Variants in CASZ1 observed in about 807,000 individuals in gnomAD.
The protein encoded by CASZ1 is zinc finger protein castor homolog 1.
In CASZ1, 28 loss-of-function variants were observed where a neutral mutation model predicts 135.2. That is an observed-to-expected ratio of 0.21 (90% CI 0.15 to 0.28). The LOEUF (loss-of-function observed/expected upper bound fraction) is 0.28, where lower values mean the gene tolerates loss of function less well. Ranked by LOEUF, CASZ1 falls within the 10% of genes least tolerant of loss-of-function variation. The probability of loss-of-function intolerance (pLI) is 1.00; values close to 1 mark genes in which losing one functional copy is unlikely to be tolerated. For missense variants in CASZ1, 2,161 were observed against 2,453.3 expected (o/e 0.88, Z 2.52); for synonymous variants, 1,068 against 1,073.4 (o/e 0.99, Z 0.10).
Position 10,654,650 on chromosome 1 carries a change from C to T in CASZ1, c.1666-59G>A, listed in dbSNP as rs1642728482. 4.5e-6 allele frequency: 7 copies of T among 1,542,186 alleles called. 1 individual carries two copies. The highest frequency in any genetic ancestry group is 6.2e-6 in the Non-Finnish European group (7 of 1,123,920). ...AGGCCAGGTGCTCCTGGGCCGAGGT[C>T]GACACCACTGTGTGTGGCTGGGGCC... On this transcript the variant is annotated intron_variant, in intron 9 of 20. Coordinates refer to ENST00000377022, the MANE Select transcript of CASZ1 (RefSeq NM_001079843.3).
rs1013143015 is a variant in CASZ1 at position 10,637,132 on chromosome 1, T to TAA, written c.*1808_*1809dup. The TAA allele has an allele frequency of 2.6e-5, 4 of 152,266 alleles. No homozygotes were observed. The highest frequency in any genetic ancestry group is 9.7e-5 in the African/African-American group (4 of 41,392). 9.4% of individuals were successfully genotyped at this position (152,266 alleles called of 1,614,324 possible). ...TTCTTCTTTTCTTCTTTTTTTTTTT[T>TAA]AAGTTTGATTTTGCTACATTGAAAA... On this transcript the variant is annotated 3_prime_UTR_variant, in exon 21 of 21. Transcript: ENST00000377022.
chr1:10,670,181 C>T (rs1643358197), intron 4 of CASZ1, among the ~76,000 whole-genome samples: 1 of 152,220 alleles, frequency 6.6e-6, no homozygotes, highest in South Asian at 2.1e-4. Context: ...GGCCATAGAG[C>T]AGCTGGCATC....
chr1:10,743,664 T>TTG (rs1553138775), intron 2 of CASZ1, among the ~76,000 whole-genome samples: 2 of 23,482 alleles, frequency 8.5e-5, no homozygotes, highest in African/African-American at 2.6e-4. Flanking sequence ...GTCTCCAAAA[T>TTG]GGGGGGGCGG....
rs1050264253 is a variant in CASZ1 at position 10,647,479 on chromosome 1, G to C, written c.3497+322C>G. ...CTCGGAGGGAGACGCAGCCCTCCTT[G>C]TCAGGCTGGGAGTTGTCCTCTGAGG... On this transcript the variant is annotated intron_variant, in intron 16 of 20. Coordinates refer to ENST00000377022, the MANE Select transcript of CASZ1 (RefSeq NM_001079843.3). This position sits in a 1 kb window ranked among gnomAD's most constrained non-coding sequence, Gnocchi z 4.9. The C allele has an allele frequency of 8.0e-7, 1 of 1,250,130 alleles. No individual in the cohort carries two copies. The highest frequency in any genetic ancestry group is 4.3e-5 in the East Asian group (1 of 23,250). 77.4% of individuals were successfully genotyped at this position (1,250,130 alleles called of 1,614,324 possible). A position where few individuals can be genotyped will look rare whatever the true frequency, so the allele number is the denominator to read the frequency against.
At position 10,762,358 on chromosome 1, in the gene CASZ1, T is replaced by C. The variant is rs1640394331; in HGVS notation, c.-233-1501A>G. On this transcript the variant is annotated intron_variant, in intron 1 of 20. Transcript: ENST00000377022. This position sits in a 1 kb window ranked among gnomAD's most constrained non-coding sequence, Gnocchi z 4.1. ...CCATGGATTCCTGCCAGGCCCCTAA[T>C]GTGAGTTTCGTGTGATTTGGGGGAA... is the stretch of plus-strand genomic sequence containing the variant. Among the ~76,000 whole-genome samples the C allele has an allele frequency of 6.6e-6, 1 of 152,148 alleles. No individual in the cohort carries two copies. The highest frequency in any genetic ancestry group is 1.5e-5 in the Non-Finnish European group (1 of 68,016).
Position 10,679,467 on chromosome 1 carries a change from G to C in CASZ1, c.17-13896C>G, listed in dbSNP as rs901933906. Among the ~76,000 whole-genome samples, 1 of 152,090 alleles carries C rather than the reference G, an allele frequency of 6.6e-6. No homozygotes were observed. Among genetic ancestry groups the C allele is most frequent in the East Asian group, 1.9e-4 (1 of 5,182 alleles). On this transcript the variant is annotated intron_variant, in intron 4 of 20. Transcript: ENST00000377022. The surrounding 1 kb of genome is among the most constrained non-coding windows in gnomAD (Gnocchi z 4.7). ...TCATTGTTCACCATCAGGATGACTCGGGCCAGCTGTCTCGATGGTGCTACC... is the reference window on the plus strand; with the variant it reads ...TCATTGTTCACCATCAGGATGACTCCGGCCAGCTGTCTCGATGGTGCTACC...
At position 10,655,693 on chromosome 1, in the gene CASZ1, C is replaced by T. The variant is rs376189072; in HGVS notation, c.1621G>A (p.Gly541Ser). 25 of 1,613,934 alleles carry T rather than the reference C, an allele frequency of 1.5e-5. No homozygotes were observed. In the East Asian group the frequency reaches 1.6e-4, roughly 10 times the overall value. ...GTGCTCTTCCCATTGAGGTGGCAGC[C>T]GTGGTAGTAGACGCTGCAGTCGTCC... ...PLDDCSVYYHGCHLNGKSTHY... is the reference protein window; with the variant it reads ...PLDDCSVYYHSCHLNGKSTHY... Residue 541 changes from glycine to serine, a missense_variant, in exon 9 of 21, where the codon GGC (glycine) becomes AGC (serine). Physicochemically the swap from Gly to Ser is moderately conservative, Grantham distance 56 (BLOSUM62 0). Coordinates refer to ENST00000377022, the MANE Select transcript of CASZ1 (RefSeq NM_001079843.3).
At chr1:10,736,621 C>T (rs943232145) in intron 2 of CASZ1, among the ~76,000 whole-genome samples, 4 of 152,326 alleles carry the variant, frequency 2.6e-5, no homozygotes, top group East Asian at 1.9e-4. Context: ...CAGGGCAGAG[C>T]GGAGATTCAA....
chr1:10,692,405 C>T (rs1638796093), intron 4 of CASZ1, among the ~76,000 whole-genome samples: 1 of 152,062 alleles, frequency 6.6e-6, no homozygotes, highest in African/African-American at 2.4e-5. Flanking sequence ...GGGTGGGGGC[C>T]CCATTTCCGA....
Position 10,645,102 on chromosome 1 carries a change from C to A in CASZ1, c.3697-14G>T. 1 of 1,612,068 alleles carries A rather than the reference C, an allele frequency of 6.2e-7. No homozygotes were observed. The highest frequency in any genetic ancestry group is 2.2e-5 in the East Asian group (1 of 44,870). ...GAACTCGCAGTGCTGCAGGGAGACACGGGAGGGTCAGGACAGGCGGGTGAC... is the reference window on the plus strand; with the variant it reads ...GAACTCGCAGTGCTGCAGGGAGACAAGGGAGGGTCAGGACAGGCGGGTGAC... On this transcript the variant is annotated splice_polypyrimidine_tract_variant and intron_variant, in intron 17 of 20. Transcript: ENST00000377022.
Position 10,651,059 on chromosome 1 carries a change from T to C in CASZ1, c.2698A>G (p.Thr900Ala), listed in dbSNP as rs747113881. The change falls in exon 12 of 21, where the codon ACC (threonine) becomes GCC (alanine). Residue 900 changes from threonine (T) to alanine (A), a missense_variant. Around this residue, in one of 7 missense-constraint regions of CASZ1, gnomAD observed 406 missense variants for 387.6 expected, o/e 1.05. Transcript: ENST00000377022. ...TFDPGSGQQVTPARFPPAQVK... is the reference protein window; with the variant it reads ...TFDPGSGQQVAPARFPPAQVK... ...TGGGCCGGGGGGAACCTGGCTGGGG[T>C]GACCTGCTGCCCGCTTCCTGCAGGG... 1 of 1,534,236 alleles carries C rather than the reference T, an allele frequency of 6.5e-7. No individual in the cohort carries two copies. The highest frequency in any genetic ancestry group is 8.7e-7 in the Non-Finnish European group (1 of 1,149,300).
intron 18 of CASZ1, among the ~76,000 whole-genome samples, chr1:10,644,715 C>G (rs1237616414): frequency 6.6e-6 from 1 of 152,266 alleles, no homozygotes; most frequent in East Asian, 1.9e-4. Flanking sequence ...GTCACCCCCA[C>G]TCTTCTTGCT....
chr1:10,681,003 C>G (rs1014179522), intron 4 of CASZ1, among the ~76,000 whole-genome samples: 1 of 152,162 alleles, frequency 6.6e-6, no homozygotes, highest in Non-Finnish European at 1.5e-5. Context: ...TGGATTCAAG[C>G]GATTCTCCTG....
rs1390168692 is a variant in CASZ1 at position 10,679,952 on chromosome 1, G to A, written c.16+13922C>T. On this transcript the variant is annotated intron_variant, in intron 4 of 20. Transcript: ENST00000377022. This position sits in a 1 kb window ranked among gnomAD's most constrained non-coding sequence, Gnocchi z 4.7. ...CCAAACCCAGCTGCCAAGTGAGGGAGGAAGGCTGAGCCCCTTGGCCCTTAG... is the reference window on the plus strand; with the variant it reads ...CCAAACCCAGCTGCCAAGTGAGGGAAGAAGGCTGAGCCCCTTGGCCCTTAG... 6.6e-6 allele frequency among the ~76,000 whole-genome samples: 1 copy of A among 152,204 alleles called. No individual in the cohort carries two copies. Among genetic ancestry groups the A allele is most frequent in the African/African-American group, 2.4e-5 (1 of 41,444 alleles).
intron 20 of CASZ1, 155 bp from the exon 21 acceptor site, chr1:10,640,214 C>T: frequency 9.6e-7 from 1 of 1,046,430 alleles, no homozygotes; most frequent in Non-Finnish European, 1.3e-6. Flanking sequence ...CTCTCCTGCC[C>T]CGCCCCCTCC....
intron 1 of CASZ1, among the ~76,000 whole-genome samples, chr1:10,792,585 G>A (rs1477880686): frequency 6.6e-6 from 1 of 151,814 alleles, no homozygotes; most frequent in East Asian, 1.9e-4. Flanking sequence ...ATCTGTCAGC[G>A]TGATAAATAT....
At position 10,638,982 on chromosome 1, in the gene CASZ1, C is replaced by T. The variant is rs1286835472; in HGVS notation, c.5240G>A (p.Gly1747Asp). 2 of 980,934 alleles carry T rather than the reference C, an allele frequency of 2.0e-6. No individual in the cohort carries two copies. The highest frequency in any genetic ancestry group is 2.3e-4 in the East Asian group (2 of 8,636). 60.8% of individuals were successfully genotyped at this position (980,934 alleles called of 1,614,324 possible). ...TPALAALAALGAPGPAPTAAS... is the reference protein window; with the variant it reads ...TPALAALAALDAPGPAPTAAS... ...TGCAGTGGGCGCGGGGCCGGGGGCG[C>T]CCAGGGCCGCCAGCGCCGCCAAGGC... Residue 1747 changes from glycine (G) to aspartate (D), a missense_variant, in exon 21 of 21, where the codon GGC (glycine) becomes GAC (aspartate). By Grantham distance (94) the Gly-to-Asp change is moderately conservative. Transcript: ENST00000377022. This position sits in a 1 kb window ranked among gnomAD's most constrained non-coding sequence, Gnocchi z 5.9.
At chr1:10,642,763 C>T (rs1318947514) in intron 20 of CASZ1, 96 bp downstream of exon 20, 33 of 1,401,158 alleles carry the variant, frequency 2.4e-5, no homozygotes, top group East Asian at 7.3e-5. Flanking sequence ...CCTCGGAGGC[C>T]GCGTGCCCCG....
rs371341300 is a variant in CASZ1, at chr1:10,666,558, C to T, written c.17-987G>A. ...AGGGTGGGATCGCTTAGGTCCCTCACGGAACGCCCCGAAGCGCCGGTCACA... is the reference window on the plus strand; with the variant it reads ...AGGGTGGGATCGCTTAGGTCCCTCATGGAACGCCCCGAAGCGCCGGTCACA... On this transcript the variant is annotated intron_variant, in intron 4 of 20. Coordinates refer to ENST00000377022, the MANE Select transcript of CASZ1 (RefSeq NM_001079843.3). This position sits in a 1 kb window ranked among gnomAD's most constrained non-coding sequence, Gnocchi z 5.2. Among the ~76,000 whole-genome samples, 3 of 152,206 alleles carry T rather than the reference C, an allele frequency of 2.0e-5. No homozygotes were observed. The highest frequency in any genetic ancestry group is 2.1e-4 in the South Asian group (1 of 4,818).
Sources: gnomAD v4.1 joint callset for allele counts (sites outside exome capture counted in the v4.1 genomes callset) on GRCh38, gnomAD v4.1.1 for gene constraint, gnomAD v4.1.1 regional missense constraint, Gnocchi (gnomAD v3.1) non-coding constraint, MANE v1.5 for transcripts, NCBI Gene and HGNC (gene_info 2026-07-23, HGNC 2026-07-21) for gene names.